Variants in SANBR observed in about 807,000 individuals in gnomAD.
SANBR encodes the protein SANT and BTB domain regulator of class switch recombination.
A neutral mutation model predicts 101.8 loss-of-function variants in SANBR; 77 were observed. That is an observed-to-expected ratio of 0.76 (90% CI 0.63 to 0.91). The LOEUF (loss-of-function observed/expected upper bound fraction) is 0.91. Ranked by LOEUF, SANBR falls within the 40% of genes least tolerant of loss-of-function variation. SANBR has a pLI of 0.00. For missense variants in SANBR, 875 were observed against 853.0 expected (o/e 1.03, Z -0.32); for synonymous variants, 279 against 274.7 (o/e 1.02, Z -0.15).
intron 12 of SANBR, among the ~76,000 whole-genome samples, chr2:61,098,240 A>G (rs1317018641): frequency 6.6e-6 from 1 of 151,566 alleles, no homozygotes; most frequent in African/African-American, 2.4e-5. Flanking sequence ...AGTAGCTGGG[A>G]CTACAGGCAC....
At position 61,132,522 on chromosome 2, in the gene SANBR, A is replaced by AT. The variant is rs575099935; in HGVS notation, c.2029-1614dup. On this transcript the variant is annotated intron_variant, in intron 20 of 21. Transcript: ENST00000295031. Reference sequence around the variant, plus strand: ...TAAGCAAAAAGCTACATAACAACAAATGTTGCCAAGGATGTGGAGAAATTG... The same window carrying AT: ...TAAGCAAAAAGCTACATAACAACAAATTGTTGCCAAGGATGTGGAGAAATTG... 1.9e-3 allele frequency among the ~76,000 whole-genome samples: 289 copies of AT among 152,310 alleles called. 2 individuals are homozygous for AT. The highest frequency in any genetic ancestry group is 6.7e-3 in the African/African-American group (279 of 41,570).
chr2:61,129,849 A>G (rs1427453116), intron 20 of SANBR, among the ~76,000 whole-genome samples: 3 of 152,134 alleles, frequency 2.0e-5, no homozygotes, highest in African/African-American at 7.2e-5. Context: ...GGCTAATGCA[A>G]TAAAAGCTAT....
chr2:61,107,877 C>G (rs2104941384), intron 14 of SANBR, among the ~76,000 whole-genome samples: 1 of 148,596 alleles, frequency 6.7e-6, no homozygotes, highest in Non-Finnish European at 1.5e-5. Flanking sequence ...CAGAGTGAGA[C>G]TCTGTCTCAA....
intron 8 of SANBR, among the ~76,000 whole-genome samples, chr2:61,086,857 G>A (rs1682459172): frequency 1.3e-5 from 2 of 152,004 alleles, no homozygotes; most frequent in Admixed American, 1.3e-4. Context: ...TCCTTAAGGG[G>A]AACAACACAG....
chr2:61,088,318 T>A (rs1190283267), intron 9 of SANBR, 40 bp from the exon 10 acceptor site: 1 of 1,570,782 alleles, frequency 6.4e-7, no homozygotes, highest in Non-Finnish European at 8.6e-7. Context: ...ACATTTACAT[T>A]CTTCTTCCTG....
chr2:61,089,298 G>A (rs1377226634), intron 10 of SANBR: 1 of 502,704 alleles, frequency 2.0e-6, no homozygotes, highest in African/African-American at 2.1e-5. Flanking sequence ...ATCACCTGAG[G>A]TGAGGAGTTT....
chr2:61,126,297 C>T (rs941749469), downstream of SANBR, among the ~76,000 whole-genome samples: 4 of 152,214 alleles, frequency 2.6e-5, no homozygotes, highest in African/African-American at 4.8e-5. Flanking sequence ...ACGTACTCCA[C>T]ATCCATTTGC....
In SANBR at chr2:61,109,279, A is replaced by T. The variant is rs763576869; in HGVS notation, c.1727A>T (p.Glu576Val). ...VTEDEVGDEE[E>V]VSKKQRKKEK... ...GAAGATGAAGTTGGAGATGAAGAAG[A>T]AGTATCCAAGAAACAAAGTATTGGT... Residue 576 changes from glutamate to valine, a missense_variant, in exon 16 of 22, where the codon GAA becomes GTA. By Grantham distance (121) the Glu-to-Val change is moderately radical. Coordinates refer to ENST00000402291, the MANE Select transcript of SANBR (RefSeq NM_001129993.3). 2 of 1,562,348 alleles carry T rather than the reference A, an allele frequency of 1.3e-6. No individual in the cohort carries two copies. Among genetic ancestry groups the T allele is most frequent in the South Asian group, 1.2e-5 (1 of 82,636 alleles).
chr2:61,127,401 T>C (rs1684542500), downstream of SANBR, among the ~76,000 whole-genome samples: 1 of 152,190 alleles, frequency 6.6e-6, no homozygotes, highest in African/African-American at 2.4e-5. Context: ...TAGATTAGTT[T>C]GATGTAGGCA....
chr2:61,100,529 A>G (rs1683232528), intron 12 of SANBR, among the ~76,000 whole-genome samples: 2 of 152,232 alleles, frequency 1.3e-5, no homozygotes, highest in African/African-American at 4.8e-5. Flanking sequence ...ATTTAGTGGT[A>G]TTAATTTCGA....
chr2:61,137,378 G>T (rs529346690), intron 21 of SANBR: 51 of 152,244 alleles, frequency 3.3e-4, no homozygotes, highest in African/African-American at 1.1e-3. Context: ...GTAAATTAAG[G>T]TATAGAGTAC....
chr2:61,103,830 AT>A, intron 12 of SANBR, 22 bp from the exon 13 acceptor site: 2 of 1,610,414 alleles, frequency 1.2e-6, no homozygotes, highest in Non-Finnish European at 1.7e-6. Flanking sequence ...CTAACCTCTA[AT>A]TTATTGTCTC....
At chr2:61,094,690 C>A (rs1418262382) in intron 11 of SANBR, among the ~76,000 whole-genome samples, 1 of 145,960 alleles carries the variant, frequency 6.9e-6, no homozygotes, top group Non-Finnish European at 1.5e-5. Flanking sequence ...GTTGCCCAAC[C>A]TGGAGTGCGC....
chr2:61,077,160 TA>T lies in SANBR; in HGVS notation c.670+8del. 6.4e-7 allele frequency: 1 copy of T among 1,566,936 alleles called. No homozygotes were observed. Among genetic ancestry groups the T allele is most frequent in the Non-Finnish European group, 8.8e-7 (1 of 1,139,242 alleles). ...AAGATTGTGAGATGCCCACTTTAGG[TA>T]AAAAACAATCTGTTGCTTAATTTGT... On this transcript the variant is annotated splice_donor_region_variant and intron_variant, in intron 6 of 21. Transcript: ENST00000402291.
At chr2:61,095,565 C>A (rs1285560945) in intron 11 of SANBR, among the ~76,000 whole-genome samples, 2 of 152,070 alleles carry the variant, frequency 1.3e-5, no homozygotes, top group Admixed American at 1.3e-4. Flanking sequence ...AAAAAAAGAT[C>A]AGTGCTTAGA....
chr2:61,071,602 A>G lies in SANBR; in HGVS notation c.151-4A>G. 6.5e-7 allele frequency: 1 copy of G among 1,532,164 alleles called. No individual in the cohort carries two copies. Among genetic ancestry groups the G allele is most frequent in the South Asian group, 1.3e-5 (1 of 78,768 alleles). 94.9% of individuals were successfully genotyped at this position (1,532,164 alleles called of 1,614,324 possible). ...TCTGTTTCTTTCATTTTATATTATGACAGTGTGCAAAAAGGTTTGATGAAT... is the reference window on the plus strand; with the variant it reads ...TCTGTTTCTTTCATTTTATATTATGGCAGTGTGCAAAAAGGTTTGATGAAT... On this transcript the variant is annotated splice_polypyrimidine_tract_variant and splice_region_variant and intron_variant, in intron 3 of 21. Transcript: ENST00000402291.
downstream of SANBR, among the ~76,000 whole-genome samples, chr2:61,125,518 T>A (rs977510419): frequency 6.6e-6 from 1 of 151,840 alleles, no homozygotes; most frequent in African/African-American, 2.4e-5. Context: ...GGTAGGGAAC[T>A]ATGTGGTAGG....
downstream of SANBR, among the ~76,000 whole-genome samples, chr2:61,127,445 G>T (rs564826062): frequency 2.6e-5 from 4 of 152,170 alleles, no homozygotes; most frequent in Non-Finnish European, 5.9e-5. Context: ...AATCTGGGTA[G>T]CTTCAAGTTC....
intron 21 of SANBR, 160 bp downstream of exon 21, chr2:61,121,436 C>A: frequency 2.1e-6 from 1 of 480,992 alleles, no homozygotes; most frequent in Non-Finnish European, 3.8e-6. Flanking sequence ...CAGATTTTAA[C>A]TTAAAAGATA....
Sources: gnomAD v4.1 joint callset for allele counts (sites outside exome capture counted in the v4.1 genomes callset) on GRCh38, gnomAD v4.1.1 for gene constraint, MANE v1.5 for transcripts, NCBI Gene and HGNC (gene_info 2026-07-23, HGNC 2026-07-21) for gene names.